Variants in TVP23C observed in about 807,000 individuals in gnomAD.
TVP23C encodes trans-golgi network vesicle protein 23 homolog C, also known as Golgi apparatus membrane protein TVP23 homolog C.
A neutral mutation model predicts 28.7 loss-of-function variants in TVP23C; 19 were observed. That is an observed-to-expected ratio of 0.66 (90% CI 0.46 to 0.97). The LOEUF is 0.97. Ranked by LOEUF, TVP23C falls within the 50% of genes least tolerant of loss-of-function variation. The pLI is 0.00. For synonymous variants in TVP23C, 68 were observed against 81.7 expected (o/e 0.83, Z 0.90); for missense variants, 186 against 241.3 (o/e 0.77, Z 1.52).
intron 5 of TVP23C, chr17:15,507,047 T>C: frequency 1.5e-6 from 2 of 1,292,584 alleles, no homozygotes; most frequent in East Asian, 2.6e-5. Context: ...CCAGAGTTTA[T>C]GTGTCAGGGC....
rs994320331 is a variant in TVP23C at position 15,537,825 on chromosome 17, T to A, written c.*2587A>T. The stretch of plus-strand genomic sequence containing the variant: ...CCATTATCTGTGTAAATGAACACTT[T>A]CATTAACTTGGGATATACAGGTATT... On this transcript the variant is annotated 3_prime_UTR_variant, in exon 6 of 6. Transcript: ENST00000518321. 5.0e-6 allele frequency: 6 copies of A among 1,191,754 alleles called. No homozygotes were observed. The African/African-American group carries it at 9.4e-5, about 19-fold the overall frequency. The allele number at this position is 1,191,754 out of a possible 1,614,324, so 73.8% of individuals were successfully genotyped here. A position where few individuals can be genotyped will look rare whatever the true frequency, so the allele number is the denominator to read the frequency against.
chr17:15,530,150 T>TA (rs1982895266), intron 5 of TVP23C, among the ~76,000 whole-genome samples: 1 of 152,250 alleles, frequency 6.6e-6, no homozygotes, highest in Non-Finnish European at 1.5e-5. Flanking sequence ...CTAATATAAT[T>TA]ACTGATAAGG....
chr17:15,533,516 T>C (rs1983030220), downstream of TVP23C, among the ~76,000 whole-genome samples: 1 of 152,138 alleles, frequency 6.6e-6, no homozygotes, highest in Admixed American at 6.5e-5. Context: ...GCAAATCAAG[T>C]ACTGCAGATC....
chr17:15,508,535 G>C (rs1418062783), intron 5 of TVP23C, among the ~76,000 whole-genome samples: 1 of 152,136 alleles, frequency 6.6e-6, no homozygotes, highest in Middle Eastern at 3.2e-3. Context: ...GAGGACTGGG[G>C]AGTCCCAACT....
intron 5 of TVP23C, among the ~76,000 whole-genome samples, chr17:15,517,197 A>G (rs1306179830): frequency 6.6e-6 from 1 of 152,070 alleles, no homozygotes; most frequent in African/African-American, 2.4e-5. Context: ...TCACCCCCCA[A>G]CTGATAATAA....
chr17:15,561,323 G>A (rs1984374932), intron 1 of TVP23C, among the ~76,000 whole-genome samples: 1 of 152,210 alleles, frequency 6.6e-6, no homozygotes, highest in Non-Finnish European at 1.5e-5. Flanking sequence ...AGTCGGCCGG[G>A]CCTGGCGGCT....
At chr17:15,530,317 T>C (rs1982902019) in intron 5 of TVP23C, among the ~76,000 whole-genome samples, 1 of 152,234 alleles carries the variant, frequency 6.6e-6, no homozygotes, top group Non-Finnish European at 1.5e-5. Context: ...TTGAGTTTTT[T>C]TTCCTAGAGG....
intron 1 of TVP23C, chr17:15,563,053 C>G (rs893378027): frequency 1.0e-5 from 3 of 299,964 alleles, no homozygotes; most frequent in Non-Finnish European, 1.9e-5. Flanking sequence ...AAGCGAGGCT[C>G]TGGCGGTGTC....
intron 1 of TVP23C, among the ~76,000 whole-genome samples, chr17:15,559,674 T>G (rs1597551778): frequency 6.7e-6 from 1 of 148,688 alleles, no homozygotes; most frequent in Non-Finnish European, 1.5e-5. Context: ...AGTGGCTTGG[T>G]CTAAGATGGA....
intron 5 of TVP23C, among the ~76,000 whole-genome samples, chr17:15,523,893 G>C (rs1000864916): frequency 6.6e-6 from 1 of 152,190 alleles, no homozygotes; most frequent in African/African-American, 2.4e-5. Flanking sequence ...GATTACAGGC[G>C]TGAGCCACCG....
exon 6 of TVP23C, chr17:15,502,734 CTCTCTCCTCTCTCCCGTCTCTTT>C: frequency 1.0e-6 from 1 of 982,262 alleles, no homozygotes; most frequent in Non-Finnish European, 1.4e-6. Flanking sequence ...CTCTCTCTTT[CTCTCTCCTCTCTCCCGTCTCTTT>C]CTCTCCTTCT....
At chr17:15,531,783 T>C in intron 5 of TVP23C, among the ~76,000 whole-genome samples, 1 of 152,208 alleles carries the variant, frequency 6.6e-6, no homozygotes, top group Non-Finnish European at 1.5e-5. Context: ...CTAAGTTTTT[T>C]CCCCCATATA....
rs1334710957 is a variant in TVP23C at position 15,505,399 on chromosome 17, A to T, written c.463-2167T>A. 6.6e-5 allele frequency among the ~76,000 whole-genome samples: 10 copies of T among 152,322 alleles called. No individual in the cohort carries two copies. In the East Asian group the frequency reaches 1.7e-3, roughly 26 times the overall value. On this transcript the variant is annotated intron_variant, in intron 5 of 5. Transcript: ENST00000225576. ...AGTGACGCCTACTGGTTTAGAGCAC[A>T]GATTCTAGATCGAGACATTCCTGGG...
chr17:15,557,561 AG>A (rs935009080), intron 1 of TVP23C, among the ~76,000 whole-genome samples: 3 of 148,596 alleles, frequency 2.0e-5, no homozygotes, highest in African/African-American at 7.3e-5. Flanking sequence ...ACCCCCCCAT[AG>A]TGCTGGGATT....
chr17:15,509,933 T>C (rs1390945563), intron 5 of TVP23C, among the ~76,000 whole-genome samples: 1 of 152,140 alleles, frequency 6.6e-6, no homozygotes, highest in East Asian at 1.9e-4. Flanking sequence ...AAACCTAAGA[T>C]GCCATGGTTG....
At chr17:15,545,443 T>C (rs576039639) in intron 5 of TVP23C, among the ~76,000 whole-genome samples, 447 of 152,400 alleles carry the variant, frequency 2.9e-3, no homozygotes, top group Non-Finnish European at 5.1e-3. Flanking sequence ...CCCAAGATCC[T>C]GACCCATAGA....
intron 2 of TVP23C, among the ~76,000 whole-genome samples, chr17:15,554,483 T>C (rs374512506): frequency 1.2e-4 from 18 of 152,148 alleles, no homozygotes; most frequent in East Asian, 1.2e-3. Context: ...GTGATCCACC[T>C]GCCTCGGCCT....
chr17:15,531,382 T>C (rs1982944501), intron 5 of TVP23C, among the ~76,000 whole-genome samples: 1 of 152,230 alleles, frequency 6.6e-6, no homozygotes, highest in Non-Finnish European at 1.5e-5. Context: ...TTTCCTCAAA[T>C]ATTATTTCTG....
intron 5 of TVP23C, among the ~76,000 whole-genome samples, chr17:15,521,506 A>T (rs1329201102): frequency 2.6e-5 from 4 of 152,226 alleles, no homozygotes; most frequent in African/African-American, 9.6e-5. Context: ...TCCGTCTCAA[A>T]AAAAAAACAA....
Sources: allele counts gnomAD v4.1 joint callset (sites outside exome capture counted in the v4.1 genomes callset), GRCh38; gene constraint gnomAD v4.1.1; transcripts MANE v1.5; gene names NCBI Gene and HGNC (gene_info 2026-07-23, HGNC 2026-07-21).